The following BCOR variants were observed in gnomAD, a reference collection of about 807,000 sequenced individuals.
The protein encoded by BCOR is BCL-6 corepressor.
In BCOR, 10 loss-of-function variants were observed where a neutral mutation model predicts 86.7. The observed-to-expected ratio is 0.12, with a 90% CI of 0.07 to 0.20. The LOEUF is 0.20. Among genes scored for constraint, BCOR ranks in the 10% least tolerant of loss-of-function variants. BCOR has a pLI of 1.00. For synonymous variants in BCOR, 611 were observed against 609.0 expected, an observed-to-expected ratio of 1.00 and a Z score of -0.05; for missense variants, 1,259 against 1,452.1, an observed-to-expected ratio of 0.87 and a Z score of 2.16.
At chrX:40,169,947 C>T (rs758975378) in intron 1 of BCOR, among the ~76,000 whole-genome samples, 5 of 112,227 alleles carry the variant, frequency 4.5e-5, no homozygotes, top group Non-Finnish European at 5.7e-5. Flanking sequence ...GAGGCCCCTA[C>T]TCGCTATCTG....
Position 40,170,550 on chromosome X carries a change from T to C in BCOR, c.-41+6457A>G, listed in dbSNP as rs184049467. On this transcript the variant is annotated intron_variant, in intron 1 of 14. Transcript: ENST00000342274. ...TTTTACTAGAGACGGGGTTTCGCCATGTTGGCCAGGCTGGTCTCGAACTCC... is the reference window on the plus strand; with the variant it reads ...TTTTACTAGAGACGGGGTTTCGCCACGTTGGCCAGGCTGGTCTCGAACTCC... Among the ~76,000 whole-genome samples, 115 of 111,211 alleles carry C rather than the reference T, an allele frequency of 1.0e-3. 1 individual carries two copies. Among genetic ancestry groups the C allele is most frequent in the Non-Finnish European group, 8.3e-4 (44 of 52,993 alleles).
chrX:40,133,138 T>C (rs998265383), intron 1 of BCOR, among the ~76,000 whole-genome samples: 10 of 110,269 alleles, frequency 9.1e-5, no homozygotes, highest in African/African-American at 3.3e-4. Context: ...TTTCTTTTTT[T>C]CTTTTTTTTT....
Position 40,097,187 on chromosome X carries a change from C to T in BCOR, c.-41+28G>A, listed in dbSNP as rs369721840. 4.6e-5 allele frequency: 5 copies of T among 108,510 alleles called. No homozygotes were observed. In the East Asian group the frequency reaches 1.5e-3, roughly 32 times the overall value. 8.9% of individuals were successfully genotyped at this position (108,510 alleles called of 1,213,427 possible). A position where few individuals can be genotyped will look rare whatever the true frequency, so the allele number is the denominator to read the frequency against. On this transcript the variant is annotated intron_variant, in intron 1 of 14. Transcript: ENST00000378444. ...CGCCCGCCCACCCGTCCGCGGTCTC[C>T]CGGGGGAAAGGTGTTCCGGGCACTG...
upstream of BCOR, among the ~76,000 whole-genome samples, chrX:40,101,456 A>C (rs1281903107): frequency 8.8e-6 from 1 of 113,254 alleles, no homozygotes; most frequent in Non-Finnish European, 1.9e-5. Flanking sequence ...GGTGCTGCGG[A>C]TGGAGCAGCG....
At chrX:40,100,614 G>T (rs1421487973), upstream of BCOR, among the ~76,000 whole-genome samples, 1 of 109,362 alleles carries the variant, frequency 9.1e-6, no homozygotes, top group East Asian at 2.8e-4. Flanking sequence ...CAGGAGAATC[G>T]CTTGAACCCG....
At chrX:40,093,850 TC>T (rs1228535192) in intron 1 of BCOR, among the ~76,000 whole-genome samples, 3 of 111,324 alleles carry the variant, frequency 2.7e-5, no homozygotes, top group Non-Finnish European at 5.7e-5. Flanking sequence ...GAACATTGAG[TC>T]TACGTCTGTC....
At chrX:40,124,950 G>A (rs1001867738) in intron 1 of BCOR, among the ~76,000 whole-genome samples, 2 of 102,933 alleles carry the variant, frequency 1.9e-5, no homozygotes, top group African/African-American at 7.1e-5. Flanking sequence ...AAGGGAGGCC[G>A]CCCTGGGAAA....
At chrX:40,075,482 G>A (rs1017147261) in intron 3 of BCOR, among the ~76,000 whole-genome samples, 14 of 111,829 alleles carry the variant, frequency 1.3e-4, no homozygotes, top group Non-Finnish European at 9.4e-5. Flanking sequence ...TTTTGGCCAG[G>A]CGCGGTGGCT....
chrX:40,136,908 T>C (rs935239281), intron 1 of BCOR, among the ~76,000 whole-genome samples: 1 of 112,394 alleles, frequency 8.9e-6, no homozygotes, highest in African/African-American at 3.2e-5. Flanking sequence ...TCTCCATGGT[T>C]GGGGCCCTTA....
chrX:40,113,197 A>C (rs780227275), intron 1 of BCOR, among the ~76,000 whole-genome samples: 9 of 104,843 alleles, frequency 8.6e-5, no homozygotes, highest in Non-Finnish European at 1.7e-4. Flanking sequence ...TTATTTATTT[A>C]TTTATTTATT....
chrX:40,086,446 G>A (rs1262405443), intron 1 of BCOR, among the ~76,000 whole-genome samples: 2 of 113,280 alleles, frequency 1.8e-5, no homozygotes, highest in African/African-American at 3.2e-5. Flanking sequence ...TCACGGCCCC[G>A]TGGGCCTTCT....
At chrX:40,064,946 G>GATA (rs939649904) in intron 6 of BCOR, among the ~76,000 whole-genome samples, 1 of 112,293 alleles carries the variant, frequency 8.9e-6, no homozygotes, top group African/African-American at 3.2e-5. Context: ...AGCAGAAGAT[G>GATA]CAACCAAGCT....
At chrX:40,064,636 C>A (rs371807195) in intron 6 of BCOR, 37 bp from the exon 7 acceptor site, 7 of 1,206,744 alleles carry the variant, frequency 5.8e-6, no homozygotes, top group Non-Finnish European at 7.8e-6. Flanking sequence ...TAATGAAGCC[C>A]GAAGGTCGCC....
chrX:40,060,049 C>T (rs1487884520), intron 10 of BCOR, among the ~76,000 whole-genome samples: 1 of 111,971 alleles, frequency 8.9e-6, no homozygotes, highest in Admixed American at 9.4e-5. Context: ...TTTAGCTAAG[C>T]AGAAGACAAT....
In BCOR at chrX:40,052,115, G is replaced by A; in HGVS notation, c.5262C>T (p.Tyr1754=). 8.4e-7 allele frequency: 1 copy of A among 1,194,937 alleles called. No homozygotes were observed. Among genetic ancestry groups the A allele is most frequent in the Non-Finnish European group, 1.1e-6 (1 of 886,184 alleles). The change falls in exon 15 of 15, where the codon TAC becomes TAT. Residue 1754 remains tyrosine (Y), a synonymous_variant. Transcript: ENST00000378444. ...CATGGTGGGTCCAGCTTGCTCACCA[G>A]TAGTTGTCTGAGGCCAGATCACTGG... ...LHPSDLASDN[Y]W is the part of the protein sequence containing the mutation.
intron 1 of BCOR, among the ~76,000 whole-genome samples, chrX:40,155,919 C>T (rs891663564): frequency 4.4e-5 from 5 of 112,759 alleles, no homozygotes; most frequent in Non-Finnish European, 7.5e-5. Context: ...ACCTCGCTGC[C>T]CCTCCTGGAG....
chrX:40,072,960 T>C lies in BCOR; in HGVS notation c.2386A>G (p.Thr796Ala), dbSNP rs776509320. 2.5e-6 allele frequency: 3 copies of C among 1,209,900 alleles called. No homozygotes were observed. The African/African-American group carries it at 5.3e-5, about 21-fold the overall frequency. ...KPNPNWNQGK[T>A]VVKSDKLVYV... Reference sequence around the variant, plus strand: ...ACAAGCTTGTCGCTTTTGACAACAGTCTTCCCTTGATTCCAGTTGGGGTTC... The same window carrying C: ...ACAAGCTTGTCGCTTTTGACAACAGCCTTCCCTTGATTCCAGTTGGGGTTC... The change falls in exon 4 of 15, where the codon ACT becomes GCT. Residue 796 changes from threonine (T) to alanine (A), a missense_variant. By Grantham distance (58) the Thr-to-Ala change is moderately conservative. Transcript: ENST00000378444.
intron 1 of BCOR, among the ~76,000 whole-genome samples, chrX:40,105,349 G>A (rs1937156915): frequency 8.9e-6 from 1 of 111,834 alleles, no homozygotes; most frequent in Non-Finnish European, 1.9e-5. Flanking sequence ...CGCCGCCGCC[G>A]CAGTCACGGG....
intron 1 of BCOR, among the ~76,000 whole-genome samples, chrX:40,124,156 A>C (rs1009636358): frequency 9.0e-5 from 10 of 111,710 alleles, no homozygotes; most frequent in African/African-American, 3.3e-4. Context: ...ACTATTGGTC[A>C]GGCAGGGTGG....
Sources: allele counts gnomAD v4.1 joint callset (sites outside exome capture counted in the v4.1 genomes callset), GRCh38; gene constraint gnomAD v4.1.1; transcripts MANE v1.5; gene names NCBI Gene and HGNC (gene_info 2026-07-23, HGNC 2026-07-21).